ALPK1: variants seen among roughly 807,000 people sequenced by gnomAD.
ALPK1 encodes the protein alpha-protein kinase 1.
ALPK1 carries 110 observed loss-of-function variants against 120.6 expected under a neutral mutation model. That is an observed-to-expected ratio of 0.91 (90% CI 0.78 to 1.07). The LOEUF is 1.07. Among genes scored for constraint, ALPK1 ranks in the 50% least tolerant of loss-of-function variants. ALPK1 has a pLI of 0.00. For missense variants in ALPK1, 1,498 were observed against 1,483.9 expected (o/e 1.01, Z -0.16); for synonymous variants, 582 against 560.3 (o/e 1.04, Z -0.55).
intron 4 of ALPK1, 120 bp downstream of exon 4, chr4:112,382,672 C>A: frequency 1.5e-6 from 2 of 1,373,380 alleles, no homozygotes; most frequent in Non-Finnish European, 2.0e-6. Flanking sequence ...TTATGCTCAG[C>A]TCTGCCAGAT....
chr4:112,353,972 A>G (rs1379539414), intron 2 of ALPK1, among the ~76,000 whole-genome samples: 1 of 152,150 alleles, frequency 6.6e-6, no homozygotes, highest in Non-Finnish European at 1.5e-5. Context: ...GACACTTTTC[A>G]TATGTTTATT....
At chr4:112,414,094 A>G (rs1433167757) in intron 5 of ALPK1, among the ~76,000 whole-genome samples, 7 of 152,218 alleles carry the variant, frequency 4.6e-5, no homozygotes, top group Non-Finnish European at 5.9e-5. Context: ...TAACAGAAGA[A>G]GATTTGCTGA....
intron 2 of ALPK1, among the ~76,000 whole-genome samples, chr4:112,354,353 AT>A (rs1282942830): frequency 6.6e-6 from 1 of 152,154 alleles, no homozygotes; most frequent in African/African-American, 2.4e-5. Context: ...ACTAACATTG[AT>A]TTAAAATAAA....
At chr4:112,438,198 C>T (rs1219103369) in intron 12 of ALPK1, among the ~76,000 whole-genome samples, 1 of 152,148 alleles carries the variant, frequency 6.6e-6, no homozygotes, top group East Asian at 1.9e-4. Context: ...ACTTTGCTGA[C>T]CCCCTTGTCT....
intron 1 of ALPK1, among the ~76,000 whole-genome samples, chr4:112,300,622 G>T (rs543306551): frequency 1.3e-5 from 2 of 151,440 alleles, no homozygotes; most frequent in South Asian, 4.2e-4. Context: ...ACTTACTATT[G>T]GTTCATTTTT....
At chr4:112,328,364 T>G (rs1729208998) in intron 2 of ALPK1, among the ~76,000 whole-genome samples, 1 of 152,238 alleles carries the variant, frequency 6.6e-6, no homozygotes, top group Non-Finnish European at 1.5e-5. Context: ...TAAATAGCTT[T>G]CCTGGAAGTC....
At chr4:112,366,602 G>T (rs7349680) in intron 2 of ALPK1, among the ~76,000 whole-genome samples, 54,911 of 151,940 alleles carry the variant, frequency 0.36, 10,213 homozygotes, top group East Asian at 0.61. Context: ...ACTGCTGGTG[G>T]GAATGTAAAC....
intron 2 of ALPK1, among the ~76,000 whole-genome samples, chr4:112,354,099 G>T (rs1730489124): frequency 6.6e-6 from 1 of 152,062 alleles, no homozygotes; most frequent in South Asian, 2.1e-4. Flanking sequence ...TATATTCAGG[G>T]TAGAAATCTT....
At chr4:112,347,659 C>T (rs79435761) in intron 2 of ALPK1, among the ~76,000 whole-genome samples, 1,726 of 152,280 alleles carry the variant, frequency 0.011, 26 homozygotes, top group African/African-American at 0.039. Flanking sequence ...TTCTGTTTCT[C>T]TGGTAACCTT....
At chr4:112,400,095 A>G (rs894996225) in intron 4 of ALPK1, among the ~76,000 whole-genome samples, 1 of 152,192 alleles carries the variant, frequency 6.6e-6, no homozygotes, top group Non-Finnish European at 1.5e-5. Context: ...ATGATTTATA[A>G]TCCTTTGGAT....
At chr4:112,327,312 TA>T (rs1729156327) in intron 2 of ALPK1, among the ~76,000 whole-genome samples, 1 of 152,198 alleles carries the variant, frequency 6.6e-6, no homozygotes, top group African/African-American at 2.4e-5. Flanking sequence ...CAAGACTTCA[TA>T]AATTTGGCAT....
chr4:112,357,943 A>T, intron 2 of ALPK1: 1 of 816,764 alleles, frequency 1.2e-6, no homozygotes, highest in African/African-American at 1.7e-5. Context: ...CTAAGCAAGG[A>T]TTGCCTCCCC....
At chr4:112,386,224 C>T (rs1732144717) in intron 4 of ALPK1, among the ~76,000 whole-genome samples, 1 of 152,214 alleles carries the variant, frequency 6.6e-6, no homozygotes. Context: ...TCCTCCCTGA[C>T]TCTCCAATCC....
chr4:112,327,823 C>T (rs1199089141), intron 2 of ALPK1, among the ~76,000 whole-genome samples: 1 of 152,150 alleles, frequency 6.6e-6, no homozygotes, highest in Non-Finnish European at 1.5e-5. Context: ...AAAACATATA[C>T]TTAATAGCTC....
At chr4:112,309,848 C>T (rs1295804728) in intron 1 of ALPK1, among the ~76,000 whole-genome samples, 2 of 152,068 alleles carry the variant, frequency 1.3e-5, no homozygotes, top group South Asian at 2.1e-4. Context: ...AGCATCACTA[C>T]CCCTGGGAAG....
intron 5 of ALPK1, among the ~76,000 whole-genome samples, chr4:112,422,135 G>A (rs984052214): frequency 1.3e-5 from 2 of 152,190 alleles, no homozygotes; most frequent in Admixed American, 6.5e-5. Context: ...AATGGTTCAT[G>A]TCCCAGGCAG....
intron 14 of ALPK1, 72 bp from the exon 15 acceptor site, chr4:112,440,845 A>C: frequency 5.4e-6 from 5 of 932,614 alleles, no homozygotes; most frequent in African/African-American, 2.7e-5. Context: ...GTGTGTGTGT[A>C]TGTATTTTTG....
chr4:112,439,702 C>G lies in ALPK1; in HGVS notation c.3368C>G (p.Thr1123Arg). ...ATTTTTCAGATTTTAGAGGACAAGA[C>G]AATAAAGGGATGTATCAGTGTGGAG... The part of the protein sequence containing the change: ...STILLILEDK[T>R]IKGCISVEPY... Residue 1123 changes from threonine to arginine, a missense_variant, in exon 14 of 16, where the codon ACA (threonine) becomes AGA (arginine). Thr to Arg is a moderately conservative substitution (Grantham distance 71, BLOSUM62 -1). Transcript: ENST00000650871. The G allele has an allele frequency of 1.9e-6, 3 of 1,605,106 alleles. No homozygotes were observed. Among genetic ancestry groups the G allele is most frequent in the Non-Finnish European group, 2.5e-6 (3 of 1,176,638 alleles).
chr4:112,345,287 A>G (rs1730055260), intron 2 of ALPK1, among the ~76,000 whole-genome samples: 1 of 152,248 alleles, frequency 6.6e-6, no homozygotes, highest in African/African-American at 2.4e-5. Flanking sequence ...AGATAATATT[A>G]AAGTTCAGCT....
Sources: allele counts gnomAD v4.1 joint callset (sites outside exome capture counted in the v4.1 genomes callset), GRCh38; gene constraint gnomAD v4.1.1; transcripts MANE v1.5; gene names NCBI Gene and HGNC (gene_info 2026-07-23, HGNC 2026-07-21).